Variants in DCT observed in about 807,000 individuals in gnomAD.
DCT encodes L-dopachrome tautomerase.
DCT carries 47 observed loss-of-function variants against 53.0 expected under a neutral mutation model. The ratio of observed to expected loss-of-function variants is 0.89; its 90% CI spans 0.70 to 1.13. The LOEUF is 1.13. DCT is among the 50% of genes most tolerant of loss of function. DCT has a pLI of 0.00. For synonymous variants in DCT, 244 were observed against 237.0 expected, an observed-to-expected ratio of 1.03 and a Z score of -0.27; for missense variants, 669 against 637.4, an observed-to-expected ratio of 1.05 and a Z score of -0.53.
chr13:94,500,292 G>A, the DCT span, among the ~76,000 whole-genome samples: 1 of 152,160 alleles, frequency 6.6e-6, no homozygotes, highest in Non-Finnish European at 1.5e-5. Flanking sequence ...CACGTGGCTG[G>A]GGAGGCCTCA....
chr13:94,523,321 C>A, the DCT span, among the ~76,000 whole-genome samples: 8 of 152,214 alleles, frequency 5.3e-5, no homozygotes, highest in Non-Finnish European at 8.8e-5. Context: ...GTCAAAACAA[C>A]TTTGACCATA....
At chr13:94,547,192 C>G in the DCT span, among the ~76,000 whole-genome samples, 2 of 151,920 alleles carry the variant, frequency 1.3e-5, no homozygotes, top group African/African-American at 4.8e-5. Flanking sequence ...TCTCAGCTCA[C>G]TGCAACTTCC....
chr13:94,504,663 C>T, the DCT span, among the ~76,000 whole-genome samples: 3 of 152,158 alleles, frequency 2.0e-5, no homozygotes, highest in Non-Finnish European at 4.4e-5. Context: ...GCCACTGCAC[C>T]TGGCCAGCAT....
upstream of DCT, among the ~76,000 whole-genome samples, chr13:94,483,419 T>G (rs9590021): frequency 6.7e-6 from 1 of 150,098 alleles, no homozygotes; most frequent in Admixed American, 6.7e-5. Context: ...CCGGGTACAG[T>G]CCATTTCCCA....
chr13:94,520,817 C>A, the DCT span, among the ~76,000 whole-genome samples: 4 of 152,250 alleles, frequency 2.6e-5, no homozygotes, highest in Non-Finnish European at 4.4e-5. Context: ...AAGTTTATAC[C>A]TTTCTATAAT....
chr13:94,517,797 T>C, the DCT span, among the ~76,000 whole-genome samples: 1 of 152,140 alleles, frequency 6.6e-6, no homozygotes, highest in Non-Finnish European at 1.5e-5. Flanking sequence ...AGCCAAAGCA[T>C]GCTAGTAGCA....
chr13:94,483,405 T>C (rs1323482708), upstream of DCT, among the ~76,000 whole-genome samples: 2 of 151,730 alleles, frequency 1.3e-5, no homozygotes, highest in African/African-American at 4.8e-5. Flanking sequence ...TCAGGCTCCA[T>C]AGACCGGGTA....
chr13:94,472,563 TATATA>T (rs1214688310), intron 1 of DCT, among the ~76,000 whole-genome samples: 30 of 22,832 alleles, frequency 1.3e-3, no homozygotes, highest in African/African-American at 2.1e-3. Context: ...TATATATATA[TATATA>T]TTTTTTTTTT....
the DCT span, among the ~76,000 whole-genome samples, chr13:94,493,108 C>G: frequency 6.6e-6 from 1 of 152,248 alleles, no homozygotes; most frequent in South Asian, 2.1e-4. Flanking sequence ...TCTTTTGCAA[C>G]ATGACCCCGA....
At chr13:94,527,665 G>C in the DCT span, among the ~76,000 whole-genome samples, 61,403 of 152,002 alleles carry the variant, frequency 0.4, 13,140 homozygotes, top group East Asian at 0.62. Context: ...GTAGATAAAA[G>C]CACAAAGATG....
At chr13:94,465,112 T>C (rs1291677891) in intron 4 of DCT, among the ~76,000 whole-genome samples, 1 of 152,206 alleles carries the variant, frequency 6.6e-6, no homozygotes, top group African/African-American at 2.4e-5. Flanking sequence ...TCTTTGTGTA[T>C]ACATCTATTA....
At chr13:94,545,549 G>A in the DCT span, among the ~76,000 whole-genome samples, 81 of 152,022 alleles carry the variant, frequency 5.3e-4, no homozygotes, top group African/African-American at 1.8e-3. Context: ...CATGGCTGCC[G>A]GCTCCCAGTT....
Position 94,479,127 on chromosome 13 carries a change from G to A in DCT, c.129C>T (p.Arg43=). The A allele has an allele frequency of 6.2e-7, 1 of 1,614,184 alleles. No individual in the cohort carries two copies. The highest frequency in any genetic ancestry group is 8.5e-7 in the Non-Finnish European group (1 of 1,180,032). The change falls in exon 1 of 8, where the codon CGC becomes CGT. Residue 43 remains arginine (R), a synonymous_variant. Coordinates refer to ENST00000377028, the MANE Select transcript of DCT (RefSeq NM_001922.5). ...AGACATTGGCCGACTCTGCACCCAG[G>A]CGTGGGCAGCACTCCTTGTTCACTA... ...DSLVNKECCP[R]LGAESANVCG... is the part of the protein sequence containing the mutation.
the DCT span, among the ~76,000 whole-genome samples, chr13:94,486,759 GC>G: frequency 6.6e-6 from 1 of 152,110 alleles, no homozygotes; most frequent in South Asian, 2.1e-4. Context: ...CAAATTTGCA[GC>G]CCCCACATCA....
chr13:94,497,166 G>A, the DCT span, among the ~76,000 whole-genome samples: 1 of 152,134 alleles, frequency 6.6e-6, no homozygotes, highest in Admixed American at 6.6e-5. Flanking sequence ...TCATAACGTA[G>A]GTGGGCCTCA....
chr13:94,481,228 C>T (rs1337255089), upstream of DCT, among the ~76,000 whole-genome samples: 1 of 152,232 alleles, frequency 6.6e-6, no homozygotes, highest in Non-Finnish European at 1.5e-5. Flanking sequence ...AGATTCTTCA[C>T]TCAATTACAT....
rs1383504230 is a variant in DCT at position 94,443,593 on chromosome 13, T to G, written c.1224A>C (p.Lys408Asn). 1.2e-6 allele frequency: 2 copies of G among 1,614,058 alleles called. No homozygotes were observed. The highest frequency in any genetic ancestry group is 2.7e-5 in the African/African-American group (2 of 75,036). ...AGGCATCTGCAGGAGGATTAAATCT[T>G]TTCATCCACTCATCAAAGATGGCAT... ...FTDAIFDEWM[K>N]RFNPPADAWP... is the part of the protein sequence containing the mutation. The change falls in exon 7 of 8, where the codon AAA becomes AAC. Residue 408 changes from lysine to asparagine, a missense_variant. By Grantham distance (94) the Lys-to-Asn change is moderately conservative (BLOSUM62 0). Transcript: ENST00000377028.
chr13:94,464,487 A>G (rs1260562647), intron 4 of DCT, among the ~76,000 whole-genome samples: 1 of 152,122 alleles, frequency 6.6e-6, no homozygotes, highest in Non-Finnish European at 1.5e-5. Context: ...TAAAAATACA[A>G]AAATTAGCTG....
chr13:94,440,518 T>A (rs1274401584), intron 7 of DCT, among the ~76,000 whole-genome samples: 1 of 152,018 alleles, frequency 6.6e-6, no homozygotes, highest in African/African-American at 2.4e-5. Flanking sequence ...TCAGACTGGC[T>A]ATTACACCAG....
Sources: allele counts gnomAD v4.1 joint callset (sites outside exome capture counted in the v4.1 genomes callset), GRCh38; gene constraint gnomAD v4.1.1; transcripts MANE v1.5; gene names NCBI Gene and HGNC (gene_info 2026-07-23, HGNC 2026-07-21).